RUFY2: variants seen among roughly 807,000 people sequenced by gnomAD.
The protein encoded by RUFY2 is RUN and FYVE domain-containing protein 2.
A neutral mutation model predicts 94.4 loss-of-function variants in RUFY2; 49 were observed. The ratio of observed to expected loss-of-function variants is 0.52; its 90% CI spans 0.41 to 0.66. RUFY2 has a LOEUF of 0.66. Among genes scored for constraint, RUFY2 ranks in the 30% least tolerant of loss-of-function variants. The pLI is 0.00. For synonymous variants in RUFY2, 255 were observed against 235.7 expected, an observed-to-expected ratio of 1.08 and a Z score of -0.75; for missense variants, 541 against 692.8, an observed-to-expected ratio of 0.78 and a Z score of 2.46.
At chr10:68,392,424 T>C (rs1257272148) in intron 7 of RUFY2, among the ~76,000 whole-genome samples, 1 of 152,200 alleles carries the variant, frequency 6.6e-6, no homozygotes, top group Non-Finnish European at 1.5e-5. Context: ...ATGGCTTCAA[T>C]GACCAGTTGA....
intron 3 of RUFY2, among the ~76,000 whole-genome samples, chr10:68,399,602 C>A (rs1297050834): frequency 2.0e-5 from 3 of 152,166 alleles, no homozygotes; most frequent in African/African-American, 7.2e-5. Flanking sequence ...GAACATTCAA[C>A]AACAAAATAA....
At chr10:68,398,868 A>G (rs868134533) in intron 3 of RUFY2, among the ~76,000 whole-genome samples, 1 of 152,176 alleles carries the variant, frequency 6.6e-6, no homozygotes, top group East Asian at 1.9e-4. Flanking sequence ...TTACTATTGT[A>G]GAGTCTGGCT....
At chr10:68,360,881 G>C (rs1170881484) in intron 15 of RUFY2, among the ~76,000 whole-genome samples, 1 of 142,410 alleles carries the variant, frequency 7.0e-6, no homozygotes, top group Non-Finnish European at 1.5e-5. Flanking sequence ...CTGGGTGACA[G>C]AGTGAGACCC....
At chr10:68,391,706 T>C (rs1175087390) in intron 7 of RUFY2, among the ~76,000 whole-genome samples, 1 of 129,784 alleles carries the variant, frequency 7.7e-6, no homozygotes, top group Non-Finnish European at 1.6e-5. Context: ...ACGCCTGTAA[T>C]CCTAGGACTT....
intron 13 of RUFY2, among the ~76,000 whole-genome samples, chr10:68,375,189 T>TA (rs2132660288): frequency 6.6e-6 from 1 of 151,618 alleles, no homozygotes; most frequent in South Asian, 2.1e-4. Context: ...GTCCAGGAGT[T>TA]AGAGATCAGT....
At chr10:68,368,078 G>A (rs932359301) in intron 13 of RUFY2, among the ~76,000 whole-genome samples, 3 of 150,748 alleles carry the variant, frequency 2.0e-5, no homozygotes, top group African/African-American at 7.3e-5. Flanking sequence ...TAATTCTCCT[G>A]CCTCAGCCTT....
chr10:68,396,089 A>C (rs1242668924), intron 4 of RUFY2, among the ~76,000 whole-genome samples: 2 of 152,138 alleles, frequency 1.3e-5, no homozygotes, highest in Non-Finnish European at 2.9e-5. Flanking sequence ...ACCTCCCTCT[A>C]CCGGGTTCAT....
Position 68,396,776 on chromosome 10 carries a change from T to C in RUFY2, c.398+4A>G. On this transcript the variant is annotated splice_donor_region_variant and intron_variant, in intron 4 of 17. Transcript: ENST00000602465. The stretch of plus-strand genomic sequence containing the variant: ...TGAAAAGATCACGACTTAATAGTAC[T>C]AACCTCAAGAGATCCCTCTGAATAA... 6.3e-7 allele frequency: 1 copy of C among 1,595,092 alleles called. No individual in the cohort carries two copies.
At chr10:68,367,037 G>A (rs2047901224) in intron 13 of RUFY2, among the ~76,000 whole-genome samples, 2 of 150,916 alleles carry the variant, frequency 1.3e-5, no homozygotes, top group Admixed American at 6.6e-5. Flanking sequence ...GCGTGGTGGC[G>A]GGTGCCTGTA....
intron 16 of RUFY2, among the ~76,000 whole-genome samples, chr10:68,352,539 A>G (rs543281105): frequency 1.3e-5 from 2 of 152,228 alleles, no homozygotes; most frequent in African/African-American, 2.4e-5. Flanking sequence ...TACCTGATAT[A>G]TTTTACCATG....
chr10:68,359,369 CGT>C (rs2047275323), intron 15 of RUFY2, among the ~76,000 whole-genome samples: 1 of 148,470 alleles, frequency 6.7e-6, no homozygotes. Context: ...TATACATATA[CGT>C]ATATATGTGT....
downstream of RUFY2, chr10:68,341,146 A>G (rs749660851): frequency 1.4e-6 from 2 of 1,480,312 alleles, no homozygotes; most frequent in African/African-American, 2.9e-5. Context: ...CTCAATAGAA[A>G]AGTAAATAAG....
chr10:68,341,240 G>A, downstream of RUFY2: 3 of 1,605,104 alleles, frequency 1.9e-6, no homozygotes, highest in Non-Finnish European at 2.5e-6. Flanking sequence ...AGCCACAGGA[G>A]AAGCAGATGT....
At chr10:68,404,636 C>T in intron 2 of RUFY2, 35 bp downstream of exon 2, 1 of 1,452,362 alleles carries the variant, frequency 6.9e-7, no homozygotes, top group Non-Finnish European at 9.1e-7. Flanking sequence ...AACGGAAATT[C>T]TAAAATGAAT....
intron 8 of RUFY2, among the ~76,000 whole-genome samples, chr10:68,385,678 T>G (rs1283661648): frequency 1.3e-5 from 2 of 152,194 alleles, no homozygotes; most frequent in African/African-American, 4.8e-5. Flanking sequence ...CAGGTATACA[T>G]GTGCCATGGT....
Position 68,355,729 on chromosome 10 carries a change from A to G in RUFY2, c.1551-328T>C, listed in dbSNP as rs112461326. On this transcript the variant is annotated intron_variant, in intron 15 of 17. Transcript: ENST00000602465. Reference sequence around the variant, plus strand: ...GGAGATCGAGACCATCCTGGCTAACATGGTGAAACCCCGTCTCTACTAAAA... The same window carrying G: ...GGAGATCGAGACCATCCTGGCTAACGTGGTGAAACCCCGTCTCTACTAAAA... The G allele has an allele frequency of 7.1e-3, 1,239 of 175,350 alleles. 12 individuals carry two copies. Among genetic ancestry groups the G allele is most frequent in the African/African-American group, 0.028 (1,176 of 41,694 alleles). The allele number at this position is 175,350 out of a possible 1,614,324, so 10.9% of individuals were successfully genotyped here. A position where few individuals can be genotyped will look rare whatever the true frequency, so the allele number is the denominator to read the frequency against.
rs976376841 is a variant in RUFY2, at chr10:68,343,964, T to C, written c.*1804A>G. On this transcript the variant is annotated 3_prime_UTR_variant, in exon 18 of 18. Coordinates refer to ENST00000602465, the MANE Select transcript of RUFY2 (RefSeq NM_001330103.2). ...ACTTAAGTCACATTTTAAAATTTGT[T>C]CTAAGCACAGTAATAAAAAAGCATA... 9 of 152,160 alleles carry C rather than the reference T, an allele frequency of 5.9e-5. No homozygotes were observed. The highest frequency in any genetic ancestry group is 4.6e-4 in the Admixed American group (7 of 15,278). The allele number at this position is 152,160 out of a possible 1,614,324, so 9.4% of individuals were successfully genotyped here. A position where few individuals can be genotyped will look rare whatever the true frequency, so the allele number is the denominator to read the frequency against.
chr10:68,379,559 GTGTGTGTGTGTT>G (rs1564821021), intron 11 of RUFY2, 38 bp from the exon 12 acceptor site: 9 of 1,341,738 alleles, frequency 6.7e-6, no homozygotes, highest in Non-Finnish European at 8.4e-6. Flanking sequence ...GTTTTGATTT[GTGTGTGTGTGTT>G]TGTGTGTGTG....
chr10:68,378,695 C>T lies in RUFY2; in HGVS notation c.1205+729G>A, dbSNP rs115689754. 1,792 of 1,563,710 alleles carry T rather than the reference C, an allele frequency of 1.1e-3. 29 individuals are homozygous for T. The African/African-American group carries it at 0.022, about 19-fold the overall frequency. On this transcript the variant is annotated intron_variant, in intron 12 of 17. Coordinates refer to ENST00000602465, the MANE Select transcript of RUFY2 (RefSeq NM_001330103.2). The stretch of plus-strand genomic sequence containing the variant: ...ACTTCATAATGGAATGGAAAGAAAT[C>T]AAAGACAGAAAAAGGTAATAAAAAT...
Sources: allele counts gnomAD v4.1 joint callset (sites outside exome capture counted in the v4.1 genomes callset), GRCh38; gene constraint gnomAD v4.1.1; transcripts MANE v1.5; gene names NCBI Gene and HGNC (gene_info 2026-07-23, HGNC 2026-07-21).